Variants in NELL1 observed in about 807,000 individuals in gnomAD.
NELL1 encodes protein kinase C-binding protein NELL1.
In NELL1, 76 loss-of-function variants were observed where a neutral mutation model predicts 107.4. That is an observed-to-expected ratio of 0.71 (90% CI 0.59 to 0.86). NELL1 has a LOEUF of 0.86. Among genes scored for constraint, NELL1 ranks in the 40% least tolerant of loss-of-function variants. The pLI, the probability that NELL1 is intolerant of heterozygous loss-of-function variation, is 0.00. For missense variants in NELL1, 1,024 were observed against 1,005.5 expected, an observed-to-expected ratio of 1.02 and a Z score of -0.25; for synonymous variants, 353 against 341.2, an observed-to-expected ratio of 1.03 and a Z score of -0.38.
At position 21,177,078 on chromosome 11, in the gene NELL1, G is replaced by A. The variant is rs77628188; in HGVS notation, c.1427-52254G>A. Among the ~76,000 whole-genome samples the A allele has an allele frequency of 4.8e-3, 730 of 151,582 alleles. 2 individuals are homozygous for A. The highest frequency in any genetic ancestry group is 8.4e-3 in the Non-Finnish European group (571 of 67,980). ...GGCTAATTAACATATCTATCATCTC[G>A]CATACGTATCCCTTCTTTGTGGTGA... On this transcript the variant is annotated intron_variant, in intron 13 of 19. Transcript: ENST00000357134.
intron 3 of NELL1, among the ~76,000 whole-genome samples, chr11:20,815,657 G>C (rs569703064): frequency 6.6e-6 from 1 of 152,168 alleles, no homozygotes; most frequent in East Asian, 1.9e-4. Flanking sequence ...CTTTAGTTTA[G>C]TTAGGTCCCA....
intron 14 of NELL1, among the ~76,000 whole-genome samples, chr11:21,320,179 GT>G (rs1270632065): frequency 6.6e-6 from 1 of 152,022 alleles, no homozygotes; most frequent in African/African-American, 2.4e-5. Context: ...CAGTTATATG[GT>G]TGCTCAAAAC....
At chr11:21,315,298 G>T (rs115972768) in intron 14 of NELL1, among the ~76,000 whole-genome samples, 3,638 of 152,238 alleles carry the variant, frequency 0.024, 147 homozygotes, top group African/African-American at 0.084. Context: ...AACTGTAAGT[G>T]GTGAACTGAG....
At chr11:20,980,690 A>G (rs192402008) in intron 12 of NELL1, among the ~76,000 whole-genome samples, 317 of 152,332 alleles carry the variant, frequency 2.1e-3, no homozygotes, top group Non-Finnish European at 3.4e-3. Context: ...AATTCTGTCT[A>G]TCTCCTCTCT....
intron 16 of NELL1, among the ~76,000 whole-genome samples, chr11:21,551,618 A>G (rs995187793): frequency 1.3e-5 from 2 of 151,728 alleles, no homozygotes; most frequent in Non-Finnish European, 2.9e-5. Context: ...AATGGCAATC[A>G]TTAAAAAGTC....
chr11:20,766,701 C>A (rs1211171402), intron 2 of NELL1, among the ~76,000 whole-genome samples: 1 of 151,812 alleles, frequency 6.6e-6, no homozygotes, highest in Non-Finnish European at 1.5e-5. Flanking sequence ...TGAGCACTTA[C>A]CTTTAAAGGA....
At chr11:21,528,981 C>A (rs1000328157) in intron 15 of NELL1, among the ~76,000 whole-genome samples, 1 of 151,888 alleles carries the variant, frequency 6.6e-6, no homozygotes, top group Non-Finnish European at 1.5e-5. Flanking sequence ...TGAGCACAGT[C>A]TTTTCCCTGA....
rs1463301065 is a variant in NELL1 at position 20,840,716 on chromosome 11, A to G, written c.336-6867A>G. ...TTTACATTTATGGAATTCACCAAGC[A>G]TTACTTTTGCCCTTAAAGTACTTAC... is the stretch of plus-strand genomic sequence containing the variant. On this transcript the variant is annotated intron_variant, in intron 3 of 19. Coordinates refer to ENST00000357134, the MANE Select transcript of NELL1 (RefSeq NM_006157.5). 1.1e-4 allele frequency among the ~76,000 whole-genome samples: 16 copies of G among 152,376 alleles called. No individual in the cohort carries two copies. The East Asian group carries it at 1.3e-3, about 13-fold the overall frequency.
intron 4 of NELL1, among the ~76,000 whole-genome samples, chr11:20,874,104 G>C (rs1195212538): frequency 6.6e-6 from 1 of 152,070 alleles, no homozygotes; most frequent in Non-Finnish European, 1.5e-5. Flanking sequence ...TTTCCCTCTT[G>C]TTGCCCAGGC....
intron 12 of NELL1, among the ~76,000 whole-genome samples, chr11:21,054,098 A>G (rs1422267366): frequency 6.6e-6 from 1 of 152,046 alleles, no homozygotes; most frequent in African/African-American, 2.4e-5. Flanking sequence ...ACCATCCATA[A>G]TCCTATTACC....
intron 3 of NELL1, among the ~76,000 whole-genome samples, chr11:20,802,093 A>AT (rs903436865): frequency 6.0e-5 from 9 of 150,852 alleles, no homozygotes; most frequent in East Asian, 1.9e-4. Flanking sequence ...AAAGTTTAGG[A>AT]TTTTTTTTTC....
intron 14 of NELL1, among the ~76,000 whole-genome samples, chr11:21,323,236 C>G (rs769985658): frequency 3.2e-4 from 48 of 152,126 alleles, no homozygotes; most frequent in Non-Finnish European, 5.4e-4. Context: ...GCTGAAAGCT[C>G]TAAACACTAG....
At chr11:20,706,009 A>G (rs866033864) in intron 2 of NELL1, among the ~76,000 whole-genome samples, 14 of 152,328 alleles carry the variant, frequency 9.2e-5, no homozygotes, top group African/African-American at 2.2e-4. Flanking sequence ...TAAAAAGTCA[A>G]GAAACAACAG....
intron 2 of NELL1, among the ~76,000 whole-genome samples, chr11:20,736,475 A>G (rs1044768857): frequency 1.3e-5 from 2 of 152,098 alleles, no homozygotes; most frequent in Non-Finnish European, 1.5e-5. Flanking sequence ...CCCTGTCATC[A>G]TGGTTTAGGA....
At chr11:20,770,223 C>T (rs327027) in intron 2 of NELL1, among the ~76,000 whole-genome samples, 8,524 of 152,226 alleles carry the variant, frequency 0.056, 848 homozygotes, top group African/African-American at 0.19. Flanking sequence ...AAAGATCCTG[C>T]AGCCAGATAG....
rs34615220 is a variant in NELL1 at position 20,673,654 on chromosome 11, C to G, written c.55+3876C>G. Among the ~76,000 whole-genome samples the G allele has an allele frequency of 1.4e-4, 21 of 152,262 alleles. No individual in the cohort carries two copies. In the East Asian group the frequency reaches 3.5e-3, roughly 25 times the overall value. On this transcript the variant is annotated intron_variant, in intron 1 of 19. Coordinates refer to ENST00000357134, the MANE Select transcript of NELL1 (RefSeq NM_006157.5). ...AATCCTAGTCAGGCCTCAAGTGCCTCTGTGACATTGACATGCTGCCTTCCA... is the reference window on the plus strand; with the variant it reads ...AATCCTAGTCAGGCCTCAAGTGCCTGTGTGACATTGACATGCTGCCTTCCA...
intron 14 of NELL1, among the ~76,000 whole-genome samples, chr11:21,338,774 T>G (rs1404193867): frequency 6.6e-6 from 1 of 152,034 alleles, no homozygotes; most frequent in Admixed American, 6.6e-5. Flanking sequence ...TTGAGCAAAA[T>G]GTTTATAAAG....
intron 5 of NELL1, among the ~76,000 whole-genome samples, chr11:20,892,575 A>G (rs1043573755): frequency 1.2e-4 from 19 of 152,242 alleles, no homozygotes; most frequent in African/African-American, 4.6e-4. Context: ...CAGCAGTTCC[A>G]TTACTGAGTG....
chr11:20,871,843 C>A (rs1178939269), intron 4 of NELL1, among the ~76,000 whole-genome samples: 1 of 151,502 alleles, frequency 6.6e-6, no homozygotes, highest in African/African-American at 2.4e-5. Context: ...CATGGTGAAA[C>A]CCCGTCTCTA....
Sources: gnomAD v4.1 joint callset for allele counts (sites outside exome capture counted in the v4.1 genomes callset) on GRCh38, gnomAD v4.1.1 for gene constraint, MANE v1.5 for transcripts, NCBI Gene and HGNC (gene_info 2026-07-23, HGNC 2026-07-21) for gene names.